The following ARHGAP10 variants were observed in gnomAD, a reference collection of about 807,000 sequenced individuals.
ARHGAP10 encodes rho GTPase-activating protein 10.
ARHGAP10 carries 87 observed loss-of-function variants against 108.6 expected under a neutral mutation model. The observed-to-expected ratio is 0.80, with a 90% confidence interval of 0.67 to 0.96. ARHGAP10 has a LOEUF of 0.96. ARHGAP10 is among the 40% of genes least tolerant of loss of function. The pLI, the probability that ARHGAP10 is intolerant of heterozygous loss-of-function variation, is 0.00. For synonymous variants in ARHGAP10, 347 were observed against 341.1 expected (o/e 1.02, Z -0.19); for missense variants, 939 against 954.5 (o/e 0.98, Z 0.21).
At chr4:147,850,120 A>G (rs938779630) in intron 4 of ARHGAP10, among the ~76,000 whole-genome samples, 1 of 152,186 alleles carries the variant, frequency 6.6e-6, no homozygotes, top group Admixed American at 6.5e-5. Context: ...TAAATGCACC[A>G]ATCAGCACTC....
At chr4:147,879,475 T>A (rs1030395930) in intron 9 of ARHGAP10, 137 bp downstream of exon 9, 7 of 746,254 alleles carry the variant, frequency 9.4e-6, no homozygotes, top group Admixed American at 3.2e-5. Flanking sequence ...ATCTTTGTTT[T>A]GTTTTTGAGT....
At chr4:147,982,378 T>C (rs1739845649) in intron 18 of ARHGAP10, among the ~76,000 whole-genome samples, 1 of 149,178 alleles carries the variant, frequency 6.7e-6, no homozygotes, top group African/African-American at 2.5e-5. Context: ...TTTTTTTTTT[T>C]TTTCTTTTTG....
chr4:147,952,617 T>C (rs1426561607), intron 15 of ARHGAP10, among the ~76,000 whole-genome samples: 1 of 152,150 alleles, frequency 6.6e-6, no homozygotes, highest in African/African-American at 2.4e-5. Context: ...ATTGTCATAT[T>C]ATTATGTTTT....
rs1253466842 is a variant in ARHGAP10 at position 147,999,971 on chromosome 4, C to T, written c.1717-23292C>T. ...TATACTTTAGTAGGGTACATGTGCA[C>T]AACGTGCGGGTTTGTTACATATGTA... is the stretch of plus-strand genomic sequence containing the variant. On this transcript the variant is annotated intron_variant, in intron 18 of 22. Transcript: ENST00000336498. Among the ~76,000 whole-genome samples, 8 of 150,994 alleles carry T rather than the reference C, an allele frequency of 5.3e-5. No homozygotes were observed. In the South Asian group the frequency reaches 8.4e-4, roughly 16 times the overall value.
At chr4:147,753,709 C>A (rs1049152759) in intron 1 of ARHGAP10, among the ~76,000 whole-genome samples, 1 of 152,070 alleles carries the variant, frequency 6.6e-6, no homozygotes, top group Admixed American at 6.6e-5. Context: ...GGAAATGAAC[C>A]AGTAAATGAG....
At chr4:147,936,008 T>A (rs2126955867) in intron 13 of ARHGAP10, among the ~76,000 whole-genome samples, 1 of 152,320 alleles carries the variant, frequency 6.6e-6, no homozygotes, top group East Asian at 1.9e-4. Context: ...CATTCTTATT[T>A]CATCTCTCCA....
At chr4:147,796,614 C>CT (rs1731327701) in intron 1 of ARHGAP10, among the ~76,000 whole-genome samples, 1 of 152,178 alleles carries the variant, frequency 6.6e-6, no homozygotes, top group African/African-American at 2.4e-5. Context: ...CAAGCTCCGC[C>CT]TCCCAGGTTC....
intron 18 of ARHGAP10, among the ~76,000 whole-genome samples, chr4:148,011,477 G>T (rs1741169915): frequency 6.6e-6 from 1 of 152,240 alleles, no homozygotes; most frequent in Non-Finnish European, 1.5e-5. Context: ...TCTTCATGTA[G>T]CTTGAGCTTC....
chr4:147,881,264 C>T (rs1283044480), intron 9 of ARHGAP10, among the ~76,000 whole-genome samples: 1 of 147,730 alleles, frequency 6.8e-6, no homozygotes, highest in Non-Finnish European at 1.5e-5. Context: ...CAGAGCAAGA[C>T]TGTCAAAAAA....
chr4:147,759,200 C>T (rs1272676505), intron 1 of ARHGAP10, among the ~76,000 whole-genome samples: 2 of 152,106 alleles, frequency 1.3e-5, no homozygotes, highest in Non-Finnish European at 2.9e-5. Flanking sequence ...TGTTAAACTT[C>T]CACTTACCAG....
intron 1 of ARHGAP10, among the ~76,000 whole-genome samples, chr4:147,777,023 A>G (rs368687648): frequency 2.4e-4 from 37 of 152,264 alleles, no homozygotes; most frequent in African/African-American, 8.4e-4. Context: ...TGAGCAACCT[A>G]TGACTGGGCG....
At chr4:147,959,842 C>G (rs1342431084) in intron 16 of ARHGAP10, among the ~76,000 whole-genome samples, 2 of 152,172 alleles carry the variant, frequency 1.3e-5, no homozygotes, top group East Asian at 3.8e-4. Context: ...AACTGTTTCT[C>G]TAGCTTCTGT....
intron 7 of ARHGAP10, among the ~76,000 whole-genome samples, chr4:147,872,778 G>A (rs1231469505): frequency 6.6e-6 from 1 of 152,150 alleles, no homozygotes; most frequent in Admixed American, 6.5e-5. Context: ...AGGCCTTCAT[G>A]TGTGTCTTCA....
In ARHGAP10 at chr4:147,791,687, C is replaced by T. The variant is rs533124992; in HGVS notation, c.155-31040C>T. Among the ~76,000 whole-genome samples the T allele has an allele frequency of 4.6e-5, 7 of 151,696 alleles. No homozygotes were observed. In the East Asian group the frequency reaches 9.8e-4, roughly 21 times the overall value. The stretch of plus-strand genomic sequence containing the variant: ...GTAACTTCCGCCTCCTGGGTTCCAG[C>T]GATTCTCCAGCCTCAGCCTCCCGAG... On this transcript the variant is annotated intron_variant, in intron 1 of 22. Coordinates refer to ENST00000336498, the MANE Select transcript of ARHGAP10 (RefSeq NM_024605.4).
chr4:147,736,261 C>T (rs1023810472), intron 1 of ARHGAP10, among the ~76,000 whole-genome samples: 6 of 151,894 alleles, frequency 4.0e-5, no homozygotes, highest in Non-Finnish European at 5.9e-5. Context: ...TTAGGTCTTC[C>T]GACTTGGTTT....
intron 18 of ARHGAP10, among the ~76,000 whole-genome samples, chr4:147,982,365 CTTTTTTTT>C (rs70958599): frequency 8.0e-5 from 10 of 124,632 alleles, no homozygotes; most frequent in African/African-American, 2.9e-4. Flanking sequence ...TTCTTTCTTT[CTTTTTTTT>C]TTTTTTTTCT....
chr4:147,961,067 C>A (rs943295390), intron 16 of ARHGAP10, among the ~76,000 whole-genome samples: 4 of 152,126 alleles, frequency 2.6e-5, no homozygotes, highest in East Asian at 1.9e-4. Context: ...TATATACCTA[C>A]GAGTGGAATT....
intron 20 of ARHGAP10, among the ~76,000 whole-genome samples, chr4:148,052,758 G>T (rs1379755464): frequency 6.6e-6 from 1 of 152,066 alleles, no homozygotes; most frequent in African/African-American, 2.4e-5. Flanking sequence ...TAAACAGCAG[G>T]GTCACTTAGA....
chr4:147,803,768 C>A (rs562017824), intron 1 of ARHGAP10, among the ~76,000 whole-genome samples: 1 of 152,256 alleles, frequency 6.6e-6, no homozygotes, highest in South Asian at 2.1e-4. Context: ...GCATTTTATT[C>A]TTTTCTGTGG....
Sources: gnomAD v4.1 joint callset for allele counts (sites outside exome capture counted in the v4.1 genomes callset) on GRCh38, gnomAD v4.1.1 for gene constraint, MANE v1.5 for transcripts, NCBI Gene and HGNC (gene_info 2026-07-23, HGNC 2026-07-21) for gene names.